The following ELMO1 variants were observed in gnomAD, a reference collection of about 807,000 sequenced individuals.
The protein encoded by ELMO1 is engulfment and cell motility 1.
In ELMO1, 26 loss-of-function variants were observed where a neutral mutation model predicts 98.9. The observed-to-expected ratio is 0.26, with a 90% CI of 0.19 to 0.36. The LOEUF (loss-of-function observed/expected upper bound fraction) is 0.36, where lower values mean the gene tolerates loss of function less well. Among genes scored for constraint, ELMO1 ranks in the 10% least tolerant of loss-of-function variants. The probability of loss-of-function intolerance (pLI) is 1.00; values close to 1 mark genes in which losing one functional copy is unlikely to be tolerated. For missense variants in ELMO1, 627 were observed against 935.2 expected (o/e 0.67, Z 4.30); for synonymous variants, 346 against 346.0 (o/e 1.00, Z 0.00).
At chr7:36,914,626 GCCTCAGCCT>G (rs1243613158) in intron 16 of ELMO1, among the ~76,000 whole-genome samples, 3 of 150,620 alleles carry the variant, frequency 2.0e-5, no homozygotes, top group Non-Finnish European at 4.4e-5. Context: ...TGATTCTTCT[GCCTCAGCCT>G]CCTGAGCAGC....
intron 6 of ELMO1, among the ~76,000 whole-genome samples, chr7:37,252,904 A>G (rs1190983266): frequency 6.6e-6 from 1 of 152,214 alleles, no homozygotes; most frequent in East Asian, 1.9e-4. Context: ...ACCCTACCAA[A>G]AAGTGGGTGA....
chr7:37,267,734 G>T (rs552811727), intron 5 of ELMO1, among the ~76,000 whole-genome samples: 1 of 152,290 alleles, frequency 6.6e-6, no homozygotes, highest in African/African-American at 2.4e-5. Flanking sequence ...TACATGCACA[G>T]ACATTATTTT....
intron 16 of ELMO1, among the ~76,000 whole-genome samples, chr7:36,970,918 G>A (rs1263746441): frequency 6.6e-6 from 1 of 152,194 alleles, no homozygotes. Context: ...TGAGGGGAGA[G>A]GCCAGGAGCC....
chr7:37,415,737 A>G (rs1358187453), intron 1 of ELMO1, among the ~76,000 whole-genome samples: 3 of 152,252 alleles, frequency 2.0e-5, no homozygotes, highest in Non-Finnish European at 4.4e-5. Context: ...TCAGGGCTTC[A>G]GGGAAAAGAA....
In ELMO1 at chr7:37,437,735, C is replaced by T. The variant is rs1298936863; in HGVS notation, c.-74+10940G>A. Among the ~76,000 whole-genome samples, 24 of 11,274 alleles carry T rather than the reference C, an allele frequency of 2.1e-3. 10 individuals are homozygous for T. Among genetic ancestry groups the T allele is most frequent in the African/African-American group, 4.7e-3 (20 of 4,276 alleles). 7.4% of individuals were successfully genotyped at this position (11,274 alleles called of 152,430 possible). A position where few individuals can be genotyped will look rare whatever the true frequency, so the allele number is the denominator to read the frequency against. On this transcript the variant is annotated intron_variant, in intron 1 of 21. Coordinates refer to ENST00000310758, the MANE Select transcript of ELMO1 (RefSeq NM_014800.11). ...CTGTAATCCCAGCACTTTGGGAGGC[C>T]GAGGCGGGTGGATCATGAGGTCAGG...
intron 13 of ELMO1, among the ~76,000 whole-genome samples, chr7:37,200,692 G>A (rs927993905): frequency 1.3e-5 from 2 of 152,154 alleles, no homozygotes; most frequent in African/African-American, 4.8e-5. Flanking sequence ...ATGGCCAGGC[G>A]CCATGGCTCA....
At chr7:36,947,003 C>T (rs1787545982) in intron 16 of ELMO1, among the ~76,000 whole-genome samples, 1 of 152,096 alleles carries the variant, frequency 6.6e-6, no homozygotes, top group African/African-American at 2.4e-5. Context: ...TTTGGGGGTA[C>T]ACGTGCAGGT....
chr7:37,351,521 A>C (rs1380298320), intron 1 of ELMO1, among the ~76,000 whole-genome samples: 1 of 152,250 alleles, frequency 6.6e-6, no homozygotes, highest in Non-Finnish European at 1.5e-5. Flanking sequence ...AGACAAGTCA[A>C]GAGGAAAACA....
At chr7:37,281,087 C>T (rs547772530) in intron 4 of ELMO1, among the ~76,000 whole-genome samples, 3 of 151,372 alleles carry the variant, frequency 2.0e-5, no homozygotes, top group Non-Finnish European at 4.4e-5. Flanking sequence ...GCATTTTCAG[C>T]GACCAGATGA....
intron 1 of ELMO1, among the ~76,000 whole-genome samples, chr7:37,414,482 G>A (rs979815044): frequency 6.6e-6 from 1 of 152,146 alleles, no homozygotes; most frequent in Non-Finnish European, 1.5e-5. Context: ...ACTTGTTGGG[G>A]CACACATACA....
At chr7:37,002,586 A>T (rs1409739872) in intron 16 of ELMO1, among the ~76,000 whole-genome samples, 1 of 152,242 alleles carries the variant, frequency 6.6e-6, no homozygotes, top group Non-Finnish European at 1.5e-5. Context: ...CAGCTCTATG[A>T]CAGCAGGAAC....
chr7:37,442,427 T>TA (rs1176793081), intron 1 of ELMO1, among the ~76,000 whole-genome samples: 1 of 152,250 alleles, frequency 6.6e-6, no homozygotes, highest in Non-Finnish European at 1.5e-5. Flanking sequence ...CTGTCAAGTA[T>TA]ATTCCCCTTC....
At chr7:37,140,089 T>C (rs1250864532) in intron 13 of ELMO1, among the ~76,000 whole-genome samples, 2 of 151,694 alleles carry the variant, frequency 1.3e-5, no homozygotes, top group African/African-American at 2.4e-5. Context: ...AATACTTAAA[T>C]CTAAGGCCGG....
At chr7:37,066,238 C>A (rs1210235628) in intron 15 of ELMO1, among the ~76,000 whole-genome samples, 1 of 152,110 alleles carries the variant, frequency 6.6e-6, no homozygotes, top group African/African-American at 2.4e-5. Flanking sequence ...TAAGTCACAA[C>A]CACATGAGGA....
Position 37,225,010 on chromosome 7 carries a change from C to T in ELMO1, c.570G>A (p.Lys190=). ...GCAGGATCGAGATGTCTATGGCTGA[C>T]TTGTTCACAAAACTTGCTATCTGAA... is the stretch of plus-strand genomic sequence containing the variant. The part of the protein sequence containing the change: ...FIKKIASFVN[K]SAIDISILQR... The change falls in exon 9 of 22, where the codon AAG becomes AAA. Residue 190 remains lysine (K), a synonymous_variant. Transcript: ENST00000310758. 1.2e-6 allele frequency: 2 copies of T among 1,614,086 alleles called. No homozygotes were observed. Among genetic ancestry groups the T allele is most frequent in the Non-Finnish European group, 1.7e-6 (2 of 1,179,972 alleles).
intron 16 of ELMO1, among the ~76,000 whole-genome samples, chr7:36,899,012 C>G (rs1406803062): frequency 2.0e-5 from 3 of 152,126 alleles, no homozygotes; most frequent in Non-Finnish European, 4.4e-5. Flanking sequence ...TGCAGACAGG[C>G]TGAGGTGCAG....
chr7:37,292,000 C>A (rs201110189), intron 4 of ELMO1, among the ~76,000 whole-genome samples: 1 of 122,538 alleles, frequency 8.2e-6, no homozygotes, highest in Non-Finnish European at 1.8e-5. Flanking sequence ...GATGCCGAGC[C>A]GAAGCTGGAC....
chr7:37,180,782 ACACATATG>A (rs775753976), intron 13 of ELMO1, among the ~76,000 whole-genome samples: 185 of 149,782 alleles, frequency 1.2e-3, no homozygotes, highest in Admixed American at 2.6e-3. Flanking sequence ...ATATACACAC[ACACATATG>A]CACATATGCA....
intron 4 of ELMO1, among the ~76,000 whole-genome samples, chr7:37,301,466 T>C (rs1410493821): frequency 2.0e-5 from 3 of 152,046 alleles, no homozygotes; most frequent in Non-Finnish European, 4.4e-5. Flanking sequence ...CCCATAGGAG[T>C]TCAAAAGCAA....
Sources: allele counts gnomAD v4.1 joint callset (sites outside exome capture counted in the v4.1 genomes callset), GRCh38; gene constraint gnomAD v4.1.1; transcripts MANE v1.5; gene names NCBI Gene and HGNC (gene_info 2026-07-23, HGNC 2026-07-21).